Variants in ZNF726 observed in about 807,000 individuals in gnomAD.
ZNF726 encodes the protein zinc finger protein 726.
A neutral mutation model predicts 11.6 loss-of-function variants in ZNF726; 15 were observed. The observed-to-expected ratio is 1.29, with a 90% CI of 0.86 to 1.99. The LOEUF is 1.99. Among genes scored for constraint, ZNF726 ranks in the 30% most tolerant of loss-of-function variants. ZNF726 has a pLI of 0.00. For missense variants in ZNF726, 890 were observed against 725.6 expected (o/e 1.23, Z -2.60); for synonymous variants, 295 against 243.6 (o/e 1.21, Z -1.96).
chr19:23,941,649 CTT>C (rs887159083), intron 3 of ZNF726, among the ~76,000 whole-genome samples: 7 of 151,854 alleles, frequency 4.6e-5, no homozygotes, highest in African/African-American at 1.7e-4. Context: ...TAATTTCACT[CTT>C]TTTTATTGGT....
intron 3 of ZNF726, among the ~76,000 whole-genome samples, chr19:23,926,670 G>A (rs1967996799): frequency 6.6e-6 from 1 of 151,090 alleles, no homozygotes; most frequent in South Asian, 2.1e-4. Context: ...CGTTATGGAT[G>A]TTCAGCTTTC....
At position 23,932,615 on chromosome 19, in the gene ZNF726, CATACTAGAA is replaced by C. The variant is rs1234197798; in HGVS notation, c.501_509del (p.His167_Lys170delinsGln). 5.8e-6 allele frequency: 9 copies of C among 1,541,690 alleles called. No homozygotes were observed. Among genetic ancestry groups the C allele is most frequent in the Non-Finnish European group, 7.0e-6 (8 of 1,145,548 alleles). ...AAATTTAAACAGATATAAGATAAGA[CATACTAGAA>C]AGAAACCTTTCAAATGTAAAAATTG... is the stretch of plus-strand genomic sequence containing the variant. On this transcript the variant is annotated inframe_deletion, in exon 4 of 4. Transcript: ENST00000594466.
intron 3 of ZNF726, chr19:23,923,408 A>G: frequency 7.6e-6 from 3 of 396,608 alleles, no homozygotes; most frequent in Non-Finnish European, 1.5e-5. Flanking sequence ...AGATGCCAGT[A>G]ATTTTTTTTT....
At chr19:23,924,767 C>A (rs1967942186) in intron 3 of ZNF726, among the ~76,000 whole-genome samples, 1 of 151,920 alleles carries the variant, frequency 6.6e-6, no homozygotes, top group African/African-American at 2.4e-5. Context: ...GTGGTGTGCA[C>A]CTGTGGTCCC....
At chr19:23,937,308 C>A (rs563164227), downstream of ZNF726, among the ~76,000 whole-genome samples, 3 of 151,730 alleles carry the variant, frequency 2.0e-5, no homozygotes, top group Non-Finnish European at 4.4e-5. Flanking sequence ...CCCTTCCGGA[C>A]GAGGTGGCTA....
Position 23,919,184 on chromosome 19 carries a change from G to C in ZNF726, c.4-189G>C, listed in dbSNP as rs1330870960. On this transcript the variant is annotated intron_variant, in intron 1 of 3. Transcript: ENST00000594466. ...CACTGATGTTCTGGATATTATGCCA[G>C]TCTCTTTTCTCAGAGTTAGAGAATA... 9 of 834,716 alleles carry C rather than the reference G, an allele frequency of 1.1e-5. No homozygotes were observed. The South Asian group carries it at 1.3e-4, about 12-fold the overall frequency. The allele number at this position is 834,716 out of a possible 1,614,324, so 51.7% of individuals were successfully genotyped here. A position where few individuals can be genotyped will look rare whatever the true frequency, so the allele number is the denominator to read the frequency against.
downstream of ZNF726, among the ~76,000 whole-genome samples, chr19:23,936,616 T>G (rs1355153524): frequency 6.6e-6 from 1 of 152,044 alleles, no homozygotes; most frequent in Non-Finnish European, 1.5e-5. Flanking sequence ...AAAATTTAAG[T>G]AGAGAGGCTC....
At chr19:23,941,515 T>C (rs1241917554) in intron 3 of ZNF726, among the ~76,000 whole-genome samples, 1 of 152,170 alleles carries the variant, frequency 6.6e-6, no homozygotes, top group Admixed American at 6.5e-5. Context: ...GGAGGGTTCC[T>C]TCTTTCCCTA....
intron 3 of ZNF726, chr19:23,921,111 CATG>C (rs1387021763): frequency 6.6e-6 from 1 of 152,186 alleles, no homozygotes; most frequent in Admixed American, 6.5e-5. Context: ...GCCTGGCCAA[CATG>C]GTGAAACCCC....
At chr19:23,935,365 G>C (rs1337305772), downstream of ZNF726, 2 of 527,782 alleles carry the variant, frequency 3.8e-6, no homozygotes, top group African/African-American at 1.9e-5. Flanking sequence ...ATTCATGCTG[G>C]ACAGCAACCC....
intron 2 of ZNF726, 33 bp downstream of exon 2, chr19:23,919,532 T>G: frequency 1.3e-6 from 2 of 1,545,936 alleles, no homozygotes; most frequent in Non-Finnish European, 1.7e-6. Context: ...ATTTTTAATA[T>G]AAACTAAAGC....
chr19:23,920,082 GGTAGGTGAGAGT>G lies in ZNF726; in HGVS notation c.226+2_226+13del. On this transcript the variant is annotated splice_donor_variant and splice_donor_5th_base_variant and intron_variant, in intron 3 of 3. Coordinates refer to ENST00000594466, the MANE Select transcript of ZNF726 (RefSeq NM_001244038.2). LOFTEE classifies it high-confidence loss of function. ...AGATGAGATGGTGGATGAACCCCCA[GGTAGGTGAGAGT>G]GAATACAACAGATGACCTGGATGAG... 6.3e-7 allele frequency: 1 copy of G among 1,575,814 alleles called. No homozygotes were observed. Among genetic ancestry groups the G allele is most frequent in the Non-Finnish European group, 8.6e-7 (1 of 1,156,508 alleles).
At chr19:23,926,231 C>T (rs1284557155) in intron 3 of ZNF726, among the ~76,000 whole-genome samples, 1 of 151,904 alleles carries the variant, frequency 6.6e-6, no homozygotes, top group East Asian at 1.9e-4. Context: ...AGACTGATGT[C>T]GTGTTTTCCC....
intron 3 of ZNF726, among the ~76,000 whole-genome samples, chr19:23,931,361 G>C (rs1253303683): frequency 2.6e-5 from 4 of 151,908 alleles, no homozygotes; most frequent in African/African-American, 9.7e-5. Flanking sequence ...TACCTCCACA[G>C]TTTCCGTTTT....
intron 3 of ZNF726, among the ~76,000 whole-genome samples, chr19:23,927,514 C>T (rs1286497296): frequency 6.6e-6 from 1 of 150,994 alleles, no homozygotes; most frequent in Non-Finnish European, 1.5e-5. Context: ...TGTTTGTATA[C>T]AGGATCTTAC....
chr19:23,932,331 A>AT lies in ZNF726; in HGVS notation c.227-3dup, dbSNP rs746012132. The AT allele has an allele frequency of 1.0e-4, 136 of 1,313,174 alleles. No homozygotes were observed. The highest frequency in any genetic ancestry group is 4.0e-4 in the Middle Eastern group (2 of 5,012). The allele number at this position is 1,313,174 out of a possible 1,614,324, so 81.3% of individuals were successfully genotyped here. On this transcript the variant is annotated splice_polypyrimidine_tract_variant and intron_variant, in intron 3 of 3. Transcript: ENST00000594466. The stretch of plus-strand genomic sequence containing the variant: ...ATAGTAAGTGGAGTAAATTATTTTA[A>AT]TTTTTTTTTAGGTATATGTCCTCAT...
chr19:23,935,206 G>T (rs765204557), downstream of ZNF726: 3 of 434,896 alleles, frequency 6.9e-6, no homozygotes, highest in South Asian at 1.6e-5. Context: ...AATCACAGGG[G>T]CAGGTTTCCC....
intron 4 of ZNF726, chr19:23,944,520 T>C (rs1224200197): frequency 6.5e-6 from 1 of 152,884 alleles, no homozygotes; most frequent in Non-Finnish European, 1.5e-5. Context: ...TTTATTATTA[T>C]GATATTTTTG....
At chr19:23,923,164 A>G (rs563897666) in intron 3 of ZNF726, among the ~76,000 whole-genome samples, 3 of 152,128 alleles carry the variant, frequency 2.0e-5, no homozygotes, top group Non-Finnish European at 2.9e-5. Flanking sequence ...TTTGTTTCAC[A>G]TATGAGGCTC....
Sources: gnomAD v4.1 joint callset for allele counts (sites outside exome capture counted in the v4.1 genomes callset) on GRCh38, gnomAD v4.1.1 for gene constraint, MANE v1.5 for transcripts, NCBI Gene and HGNC (gene_info 2026-07-23, HGNC 2026-07-21) for gene names.